The following SUGCT variants were observed in gnomAD, a reference collection of about 807,000 sequenced individuals.
SUGCT encodes the protein succinyl-CoA:glutarate-CoA transferase, also known as succinyl-CoA:glutarate CoA-transferase.
Under a neutral mutation model 55.0 loss-of-function variants are expected in SUGCT, and 41 were observed. The ratio of observed to expected loss-of-function variants is 0.74; its 90% CI spans 0.58 to 0.97. The LOEUF (loss-of-function observed/expected upper bound fraction) is 0.97. SUGCT is among the 50% of genes least tolerant of loss of function. SUGCT has a pLI of 0.00. For missense variants in SUGCT, 568 were observed against 547.8 expected (o/e 1.04, Z -0.37); for synonymous variants, 187 against 200.4 (o/e 0.93, Z 0.56).
At chr7:40,757,950 A>T (rs186735112) in intron 13 of SUGCT, among the ~76,000 whole-genome samples, 1 of 152,336 alleles carries the variant, frequency 6.6e-6, no homozygotes, top group East Asian at 1.9e-4. Flanking sequence ...TTAGGGAATA[A>T]ATTAATCAAA....
chr7:40,395,510 A>G (rs890828438), intron 9 of SUGCT, among the ~76,000 whole-genome samples: 12 of 151,326 alleles, frequency 7.9e-5, no homozygotes, highest in African/African-American at 2.2e-4. Context: ...AAAAAAAAAA[A>G]AAAAGAAAAA....
chr7:40,360,612 C>T (rs1338729664), intron 9 of SUGCT, among the ~76,000 whole-genome samples: 1 of 152,138 alleles, frequency 6.6e-6, no homozygotes, highest in East Asian at 1.9e-4. Flanking sequence ...GAAGGCACTC[C>T]TAACCCCGTT....
chr7:40,168,471 G>C (rs1413441693), intron 1 of SUGCT, among the ~76,000 whole-genome samples: 1 of 152,192 alleles, frequency 6.6e-6, no homozygotes, highest in Non-Finnish European at 1.5e-5. Flanking sequence ...CAGCTTCACA[G>C]CTTCTATTCT....
chr7:40,724,880 G>A (rs1469137109), intron 12 of SUGCT, among the ~76,000 whole-genome samples: 2 of 152,048 alleles, frequency 1.3e-5, no homozygotes, highest in African/African-American at 4.8e-5. Flanking sequence ...AAGGTTTGAG[G>A]AAACAAAAAG....
intron 11 of SUGCT, among the ~76,000 whole-genome samples, chr7:40,466,992 AG>A (rs892108304): frequency 6.6e-6 from 1 of 151,918 alleles, no homozygotes; most frequent in African/African-American, 2.4e-5. Flanking sequence ...TCATGAGGTC[AG>A]GAGATCGAGA....
chr7:40,983,359 T>C, the SUGCT span, among the ~76,000 whole-genome samples: 1 of 152,320 alleles, frequency 6.6e-6, no homozygotes, highest in Admixed American at 6.5e-5. Context: ...TGTATTGTAT[T>C]ACTTTCTTTC....
chr7:40,911,772 AG>A, the SUGCT span, among the ~76,000 whole-genome samples: 1 of 152,160 alleles, frequency 6.6e-6, no homozygotes, highest in East Asian at 1.9e-4. Context: ...TGCTTAGTTA[AG>A]AACCATCGGT....
intron 13 of SUGCT, among the ~76,000 whole-genome samples, chr7:40,749,914 T>G (rs1787923901): frequency 6.6e-6 from 1 of 152,210 alleles, no homozygotes; most frequent in Non-Finnish European, 1.5e-5. Flanking sequence ...CTGCTCAGGC[T>G]CGGGCATTTT....
chr7:40,434,517 C>G (rs575192916), intron 9 of SUGCT, among the ~76,000 whole-genome samples: 2 of 152,268 alleles, frequency 1.3e-5, no homozygotes, highest in South Asian at 2.1e-4. Context: ...GAACTTAAAC[C>G]ATGCTCATGT....
At chr7:40,375,981 G>C (rs1239296637) in intron 9 of SUGCT, among the ~76,000 whole-genome samples, 2 of 152,182 alleles carry the variant, frequency 1.3e-5, no homozygotes, top group Non-Finnish European at 2.9e-5. Flanking sequence ...GTCAGATGGA[G>C]GATGTAGCAT....
intron 13 of SUGCT, among the ~76,000 whole-genome samples, chr7:40,797,911 T>C (rs1584457079): frequency 6.6e-6 from 1 of 152,256 alleles, no homozygotes; most frequent in Non-Finnish European, 1.5e-5. Context: ...CTGCTTGTCT[T>C]GCCCTATGGC....
chr7:40,902,308 G>T, the SUGCT span, among the ~76,000 whole-genome samples: 1 of 152,078 alleles, frequency 6.6e-6, no homozygotes, highest in Non-Finnish European at 1.5e-5. Flanking sequence ...GCCGGGTGTG[G>T]TGGCTCACAC....
chr7:40,796,947 A>G (rs1437354559), intron 13 of SUGCT, among the ~76,000 whole-genome samples: 1 of 152,208 alleles, frequency 6.6e-6, no homozygotes, highest in Non-Finnish European at 1.5e-5. Context: ...GCCAGGCACA[A>G]TCTGAAAGCT....
At chr7:40,724,495 G>A (rs199966037) in intron 12 of SUGCT, among the ~76,000 whole-genome samples, 2 of 151,794 alleles carry the variant, frequency 1.3e-5, no homozygotes, top group African/African-American at 2.4e-5. Context: ...CCTGGGAGGC[G>A]GAGCTTGCAG....
chr7:40,675,202 A>C (rs954499180), intron 12 of SUGCT, among the ~76,000 whole-genome samples: 2 of 151,852 alleles, frequency 1.3e-5, no homozygotes, highest in African/African-American at 2.4e-5. Flanking sequence ...CTGGGATTAC[A>C]GGCACGTGCC....
chr7:40,899,368 C>T, the SUGCT span, among the ~76,000 whole-genome samples: 1 of 152,170 alleles, frequency 6.6e-6, no homozygotes, highest in African/African-American at 2.4e-5. Context: ...ATAAATACGC[C>T]CTGTGAATGC....
chr7:40,548,151 A>G (rs182873969), intron 12 of SUGCT, among the ~76,000 whole-genome samples: 3 of 147,726 alleles, frequency 2.0e-5, no homozygotes, highest in Admixed American at 2.0e-4. Flanking sequence ...AATCCTCCAA[A>G]TAAGCTATAA....
intron 8 of SUGCT, among the ~76,000 whole-genome samples, chr7:40,310,790 T>TTGGC (rs1795103354): frequency 6.6e-6 from 1 of 152,220 alleles, no homozygotes; most frequent in Non-Finnish European, 1.5e-5. Context: ...AAACCACCCA[T>TTGGC]TCTTGGCATT....
chr7:40,378,427 T>C (rs930036113), intron 9 of SUGCT, among the ~76,000 whole-genome samples: 7 of 152,240 alleles, frequency 4.6e-5, no homozygotes, highest in African/African-American at 1.7e-4. Context: ...ATTTCTGTTA[T>C]TGTACTTTTC....
Sources: allele counts gnomAD v4.1 joint callset (sites outside exome capture counted in the v4.1 genomes callset), GRCh38; gene constraint gnomAD v4.1.1; transcripts MANE v1.5; gene names NCBI Gene and HGNC (gene_info 2026-07-23, HGNC 2026-07-21).